The following NTNG1 variants were observed in gnomAD, a reference collection of about 807,000 sequenced individuals.
NTNG1 encodes netrin-G1.
NTNG1 carries 16 observed loss-of-function variants against 54.0 expected under a neutral mutation model. That is an observed-to-expected ratio of 0.30 (90% CI 0.20 to 0.45). NTNG1 has a LOEUF of 0.45. Ranked by LOEUF, NTNG1 falls within the 20% of genes least tolerant of loss-of-function variation. The pLI is 1.00. For synonymous variants in NTNG1, 255 were observed against 263.1 expected, an observed-to-expected ratio of 0.97 and a Z score of 0.30; for missense variants, 530 against 678.7, an observed-to-expected ratio of 0.78 and a Z score of 2.43.
At chr1:107,368,510 A>G (rs972410909) in intron 3 of NTNG1, among the ~76,000 whole-genome samples, 4 of 152,214 alleles carry the variant, frequency 2.6e-5, no homozygotes, top group Non-Finnish European at 5.9e-5. Context: ...CTAGAAGTTG[A>G]ACTTGACTTC....
chr1:107,210,761 T>C (rs1280972789), intron 2 of NTNG1, among the ~76,000 whole-genome samples: 1 of 152,186 alleles, frequency 6.6e-6, no homozygotes, highest in Non-Finnish European at 1.5e-5. Flanking sequence ...CCCTAGATTC[T>C]AAACCTTCCA....
intron 2 of NTNG1, among the ~76,000 whole-genome samples, chr1:107,180,956 A>AT (rs557202158): frequency 2.0e-5 from 3 of 152,290 alleles, no homozygotes; most frequent in African/African-American, 7.2e-5. Flanking sequence ...TTGTTGCTTG[A>AT]TTTTGGTCCA....
rs74873466 is a variant in NTNG1, at chr1:107,253,942, A to C, written c.247-70340A>C. Among the ~76,000 whole-genome samples, 15 of 152,386 alleles carry C rather than the reference A, an allele frequency of 9.8e-5. No homozygotes were observed. The East Asian group carries it at 2.7e-3, about 27-fold the overall frequency. ...AAACACATCACTGAAAACCGATTAGATTAATTACTATTCGGGACAGTGCTT... is the reference window on the plus strand; with the variant it reads ...AAACACATCACTGAAAACCGATTAGCTTAATTACTATTCGGGACAGTGCTT... On this transcript the variant is annotated intron_variant, in intron 2 of 7. Coordinates refer to ENST00000370068, the MANE Select transcript of NTNG1 (RefSeq NM_001113226.3).
intron 2 of NTNG1, among the ~76,000 whole-genome samples, chr1:107,308,817 T>A (rs1357472785): frequency 6.6e-6 from 1 of 152,154 alleles, no homozygotes; most frequent in East Asian, 1.9e-4. Flanking sequence ...TTGATCAATT[T>A]GTAATTCTCA....
intron 2 of NTNG1, among the ~76,000 whole-genome samples, chr1:107,213,785 A>G (rs1044207591): frequency 6.6e-6 from 1 of 152,274 alleles, no homozygotes; most frequent in East Asian, 1.9e-4. Context: ...TGTTAAAAAG[A>G]GTCCGCCTGT....
intron 2 of NTNG1, among the ~76,000 whole-genome samples, chr1:107,243,609 C>T (rs1661985865): frequency 6.6e-6 from 1 of 151,968 alleles, no homozygotes; most frequent in African/African-American, 2.4e-5. Flanking sequence ...CTGGCTAGAG[C>T]GCACCAGCTG....
At chr1:107,396,633 A>G (rs576379760) in intron 4 of NTNG1, among the ~76,000 whole-genome samples, 17 of 152,282 alleles carry the variant, frequency 1.1e-4, no homozygotes, top group African/African-American at 3.8e-4. Flanking sequence ...CATGAATTTG[A>G]AAGGGATCTT....
At chr1:107,301,152 A>C (rs2101803057) in intron 2 of NTNG1, among the ~76,000 whole-genome samples, 1 of 152,328 alleles carries the variant, frequency 6.6e-6, no homozygotes, top group African/African-American at 2.4e-5. Flanking sequence ...TGCTTTAAAA[A>C]ATTTAATAAC....
intron 2 of NTNG1, among the ~76,000 whole-genome samples, chr1:107,276,092 C>A (rs762272280): frequency 6.6e-6 from 1 of 152,088 alleles, no homozygotes; most frequent in Non-Finnish European, 1.5e-5. Context: ...TCTTTGATAT[C>A]TTGAGTATAT....
At chr1:107,442,762 A>G (rs1268252614) in intron 7 of NTNG1, among the ~76,000 whole-genome samples, 2 of 152,274 alleles carry the variant, frequency 1.3e-5, no homozygotes, top group East Asian at 1.9e-4. Context: ...AGCATTGCAG[A>G]CAGTGATGTA....
intron 2 of NTNG1, among the ~76,000 whole-genome samples, chr1:107,231,840 A>G (rs1389407580): frequency 2.0e-5 from 3 of 151,902 alleles, no homozygotes; most frequent in Non-Finnish European, 4.4e-5. Context: ...TGAAATTAAC[A>G]TATGGCTACA....
intron 2 of NTNG1, among the ~76,000 whole-genome samples, chr1:107,287,645 A>C (rs1234671537): frequency 6.6e-6 from 1 of 152,174 alleles, no homozygotes; most frequent in African/African-American, 2.4e-5. Flanking sequence ...TTGAAGATGG[A>C]CATTTGCAAT....
intron 7 of NTNG1, among the ~76,000 whole-genome samples, chr1:107,462,112 A>C (rs1223026177): frequency 1.3e-5 from 2 of 152,000 alleles, no homozygotes; most frequent in African/African-American, 4.8e-5. Flanking sequence ...GTTAAATCTA[A>C]ATTTTCAGGT....
At position 107,376,428 on chromosome 1, in the gene NTNG1, A is replaced by AC. The variant is rs1553235213; in HGVS notation, c.888-18725dup. ...GTCTCAAAACAAAACAAAAAAAAAA[A>AC]CAAAAAAAAAAAATTTGCTATTGTA... On this transcript the variant is annotated intron_variant, in intron 3 of 7. Transcript: ENST00000370068. Among the ~76,000 whole-genome samples, 9 of 151,466 alleles carry AC rather than the reference A, an allele frequency of 5.9e-5. 1 individual carries two copies. The highest frequency in any genetic ancestry group is 1.7e-4 in the African/African-American group (7 of 41,314).
At chr1:107,330,202 G>A (rs1668198819) in intron 3 of NTNG1, among the ~76,000 whole-genome samples, 1 of 152,038 alleles carries the variant, frequency 6.6e-6, no homozygotes. Context: ...TTCCCTTTAT[G>A]GGTCTTCAGC....
Position 107,405,328 on chromosome 1 carries a change from A to T in NTNG1, c.1061-2354A>T, listed in dbSNP as rs75131918. Among the ~76,000 whole-genome samples, 1,815 of 152,282 alleles carry T rather than the reference A, an allele frequency of 0.012. 90 individuals carry two copies. In the East Asian group the frequency reaches 0.17, roughly 15 times the overall value. ...TAAAAATCTTTTCTAAGCAATTCCC[A>T]TTTTACAGCAGAGGAATAGAAAAAA... On this transcript the variant is annotated intron_variant, in intron 4 of 7. Transcript: ENST00000370068.
intron 3 of NTNG1, among the ~76,000 whole-genome samples, chr1:107,340,912 G>A (rs1314665720): frequency 6.6e-6 from 1 of 151,974 alleles, no homozygotes; most frequent in Non-Finnish European, 1.5e-5. Context: ...GTTTATTAAT[G>A]TGTATAAAAT....
At chr1:107,194,883 G>T (rs543964043) in intron 2 of NTNG1, among the ~76,000 whole-genome samples, 1 of 151,778 alleles carries the variant, frequency 6.6e-6, no homozygotes, top group African/African-American at 2.4e-5. Context: ...AGATTTTATC[G>T]TTTGACCTGG....
At chr1:107,168,449 C>A (rs1263567283) in intron 2 of NTNG1, among the ~76,000 whole-genome samples, 1 of 152,028 alleles carries the variant, frequency 6.6e-6, no homozygotes, top group African/African-American at 2.4e-5. Flanking sequence ...ATATTTCTCT[C>A]TCTCAGTAGA....
Sources: allele counts gnomAD v4.1 joint callset (sites outside exome capture counted in the v4.1 genomes callset), GRCh38; gene constraint gnomAD v4.1.1; transcripts MANE v1.5; gene names NCBI Gene and HGNC (gene_info 2026-07-23, HGNC 2026-07-21).